Variants in LHFPL1 observed in about 807,000 individuals in gnomAD.
LHFPL1 encodes LHFPL tetraspan subfamily member 1.
Under a neutral mutation model 12.1 loss-of-function variants are expected in LHFPL1, and 4 were observed. That is an observed-to-expected ratio of 0.33 (90% CI 0.16 to 0.76). The LOEUF (loss-of-function observed/expected upper bound fraction) is 0.76. Ranked by LOEUF, LHFPL1 falls within the 30% of genes least tolerant of loss-of-function variation. LHFPL1 has a pLI of 0.61. For synonymous variants in LHFPL1, 52 were observed against 61.9 expected, an observed-to-expected ratio of 0.84 and a Z score of 0.75; for missense variants, 141 against 174.1, an observed-to-expected ratio of 0.81 and a Z score of 1.07.
At chrX:112,651,733 A>G (rs926245776) in intron 3 of LHFPL1, among the ~76,000 whole-genome samples, 5 of 112,028 alleles carry the variant, frequency 4.5e-5, no homozygotes, top group Non-Finnish European at 7.5e-5. Flanking sequence ...TGCCTAGACT[A>G]TGGCTCAGCC....
chrX:112,648,820 T>C (rs55668106), intron 3 of LHFPL1: 1 of 111,880 alleles, frequency 8.9e-6, no homozygotes, highest in Admixed American at 9.5e-5. Flanking sequence ...GTATAGAAGG[T>C]ATAAGTTGAA....
intron 1 of LHFPL1, 61 bp from the exon 2 acceptor site, chrX:112,671,465 C>T: frequency 8.3e-7 from 1 of 1,201,174 alleles, no homozygotes; most frequent in Non-Finnish European, 1.1e-6. Context: ...ACCATGTAGG[C>T]TCCACTGGCC....
chrX:112,644,626 T>C (rs1055670035), intron 3 of LHFPL1, among the ~76,000 whole-genome samples: 6 of 111,092 alleles, frequency 5.4e-5, no homozygotes, highest in Non-Finnish European at 1.9e-5. Context: ...TGAGTACTTA[T>C]CGATCTAGTC....
At chrX:112,662,824 T>A (rs1020034800) in intron 2 of LHFPL1, among the ~76,000 whole-genome samples, 12 of 111,904 alleles carry the variant, frequency 1.1e-4, no homozygotes, top group African/African-American at 3.6e-4. Context: ...GTACGCACAT[T>A]GGGTTAAGGA....
intron 1 of LHFPL1, among the ~76,000 whole-genome samples, chrX:112,675,587 G>C (rs1931634528): frequency 8.9e-6 from 1 of 112,360 alleles, no homozygotes; most frequent in African/African-American, 3.2e-5. Flanking sequence ...TTTAGATGAA[G>C]TACTTTCAAC....
At chrX:112,655,175 A>C (rs1240152227) in intron 3 of LHFPL1, among the ~76,000 whole-genome samples, 1 of 112,094 alleles carries the variant, frequency 8.9e-6, no homozygotes, top group Non-Finnish European at 1.9e-5. Flanking sequence ...CTTCTGTCAT[A>C]CTCTATTTAT....
Position 112,631,440 on chromosome X carries a change from C to A in LHFPL1, c.643G>T (p.Asp215Tyr), listed in dbSNP as rs1930185842. Residue 215 changes from aspartate (D) to tyrosine (Y), a missense_variant, in exon 4 of 4, where the codon GAC (aspartate) becomes TAC (tyrosine). Coordinates refer to ENST00000371968, the MANE Select transcript of LHFPL1 (RefSeq NM_178175.4). Reference protein sequence around the residue: ...RNTNSYAMELDHCLKP With the variant: ...RNTNSYAMELYHCLKP The stretch of plus-strand genomic sequence containing the variant: ...AAAGCTCAAGGTTTGAGGCAATGGT[C>A]AAGCTCCATAGCATAAGAATTGGTA... 8.3e-7 allele frequency: 1 copy of A among 1,206,447 alleles called. No individual in the cohort carries two copies. The highest frequency in any genetic ancestry group is 1.8e-5 in the South Asian group (1 of 56,184).
intron 2 of LHFPL1, among the ~76,000 whole-genome samples, chrX:112,665,481 G>A (rs747262573): frequency 7.2e-5 from 8 of 111,773 alleles, no homozygotes; most frequent in Middle Eastern, 4.6e-3. Flanking sequence ...GTGAGCCACC[G>A]CGCCAGGCCT....
rs1056780198 is a variant in LHFPL1, at chrX:112,665,760, T to C, written c.383-5035A>G. On this transcript the variant is annotated intron_variant, in intron 2 of 3. Coordinates refer to ENST00000371968, the MANE Select transcript of LHFPL1 (RefSeq NM_178175.4). ...AGCTGACCAAGAAGAGGGCTGGAGT[T>C]AGACATTTTATTCAGCTTCAGCCCT... 5.4e-5 allele frequency among the ~76,000 whole-genome samples: 6 copies of C among 111,013 alleles called. No individual in the cohort carries two copies. The South Asian group carries it at 2.3e-3, about 42-fold the overall frequency.
chrX:112,643,378 C>CAAAAAAAAAAAAA (rs1164744066), intron 3 of LHFPL1, among the ~76,000 whole-genome samples: 2 of 38,946 alleles, frequency 5.1e-5, no homozygotes, highest in African/African-American at 8.8e-5. Flanking sequence ...GACTCCGTCT[C>CAAAAAAAAAAAAA]AAAAAAAAAA....
chrX:112,673,028 T>C (rs952839712), intron 1 of LHFPL1, among the ~76,000 whole-genome samples: 6 of 111,547 alleles, frequency 5.4e-5, no homozygotes, highest in Non-Finnish European at 1.1e-4. Context: ...CACACAATGT[T>C]AAACTACCCC....
intron 1 of LHFPL1, among the ~76,000 whole-genome samples, chrX:112,676,275 T>C (rs1403665116): frequency 8.9e-6 from 1 of 112,254 alleles, no homozygotes; most frequent in Non-Finnish European, 1.9e-5. Flanking sequence ...TAATTCCTGT[T>C]GTATACTTCA....
At chrX:112,645,300 T>G (rs1930654262) in intron 3 of LHFPL1, among the ~76,000 whole-genome samples, 1 of 112,088 alleles carries the variant, frequency 8.9e-6, no homozygotes, top group South Asian at 3.7e-4. Flanking sequence ...TGAACCCAGG[T>G]CATTCTACTA....
intron 1 of LHFPL1, among the ~76,000 whole-genome samples, chrX:112,674,525 C>T (rs1931601834): frequency 9.1e-6 from 1 of 110,029 alleles, no homozygotes; most frequent in Non-Finnish European, 1.9e-5. Context: ...GAGAGAAAAT[C>T]TTCACAATCT....
chrX:112,652,478 AG>A (rs1189555370), intron 3 of LHFPL1, among the ~76,000 whole-genome samples: 2 of 112,062 alleles, frequency 1.8e-5, no homozygotes, highest in Non-Finnish European at 3.8e-5. Flanking sequence ...CATTCTAATA[AG>A]GAACACAGGT....
chrX:112,644,200 G>T (rs900097635), intron 3 of LHFPL1, among the ~76,000 whole-genome samples: 2 of 112,042 alleles, frequency 1.8e-5, no homozygotes, highest in African/African-American at 6.5e-5. Flanking sequence ...GAGTTGCTTT[G>T]GACAATCCCT....
At chrX:112,659,302 A>G (rs1931105325) in intron 3 of LHFPL1, among the ~76,000 whole-genome samples, 1 of 111,363 alleles carries the variant, frequency 9.0e-6, no homozygotes, top group Non-Finnish European at 1.9e-5. Context: ...TCTACTAAAA[A>G]TACAAAAATT....
At chrX:112,642,340 G>A (rs917007417) in intron 3 of LHFPL1, among the ~76,000 whole-genome samples, 5 of 99,364 alleles carry the variant, frequency 5.0e-5, no homozygotes, top group Non-Finnish European at 8.1e-5. Context: ...GTGAAGCCCC[G>A]TCTCAACAAA....
intron 1 of LHFPL1, among the ~76,000 whole-genome samples, chrX:112,678,017 C>G (rs720830): frequency 9.2e-6 from 1 of 109,163 alleles, no homozygotes; most frequent in Admixed American, 9.9e-5. Context: ...TGGGAATGCT[C>G]ACAAGCAGGT....
Sources: gnomAD v4.1 joint callset for allele counts (sites outside exome capture counted in the v4.1 genomes callset) on GRCh38, gnomAD v4.1.1 for gene constraint, MANE v1.5 for transcripts, NCBI Gene and HGNC (gene_info 2026-07-23, HGNC 2026-07-21) for gene names.